EPB41L3: variants seen among roughly 807,000 people sequenced by gnomAD.
EPB41L3 encodes erythrocyte membrane protein band 4.1 like 3, also known as band 4.1-like protein 3.
Under a neutral mutation model 127.1 loss-of-function variants are expected in EPB41L3, and 57 were observed. The observed-to-expected ratio is 0.45, with a 90% CI of 0.36 to 0.56. EPB41L3 has a LOEUF of 0.56. Among genes scored for constraint, EPB41L3 ranks in the 20% least tolerant of loss-of-function variants. The pLI is 0.00. For missense variants in EPB41L3, 1,273 were observed against 1,372.2 expected, an observed-to-expected ratio of 0.93 and a Z score of 1.14; for synonymous variants, 572 against 549.5, an observed-to-expected ratio of 1.04 and a Z score of -0.57.
At chr18:5,428,589 C>T (rs759940466) in intron 8 of EPB41L3, 124 bp from the exon 9 acceptor site, 1 of 1,105,864 alleles carries the variant, frequency 9.0e-7, no homozygotes, top group African/African-American at 1.6e-5. Context: ...CAAAATGATG[C>T]AGCCATTTTT....
chr18:5,546,639 G>A (rs774345388), upstream of EPB41L3, among the ~76,000 whole-genome samples: 1 of 152,136 alleles, frequency 6.6e-6, no homozygotes, highest in East Asian at 1.9e-4. Context: ...AGGAAATCTT[G>A]GAAGCAATTA....
At chr18:5,541,005 A>G (rs2093704966) in intron 1 of EPB41L3, among the ~76,000 whole-genome samples, 1 of 149,046 alleles carries the variant, frequency 6.7e-6, no homozygotes. Flanking sequence ...GAATGGCGTG[A>G]ACCCGGGAGG....
At chr18:5,584,447 A>G (rs185737977) in intron 3 of EPB41L3, among the ~76,000 whole-genome samples, 15 of 152,230 alleles carry the variant, frequency 9.9e-5, no homozygotes, top group African/African-American at 3.6e-4. Flanking sequence ...AGTAAGCTTT[A>G]ACATAAATAG....
At chr18:5,626,368 T>C (rs1182665327) in intron 1 of EPB41L3, among the ~76,000 whole-genome samples, 1 of 152,214 alleles carries the variant, frequency 6.6e-6, no homozygotes, top group Non-Finnish European at 1.5e-5. Context: ...AGTATTACAT[T>C]CCAGTTTTCT....
chr18:5,427,826 A>G (rs2078418871), intron 9 of EPB41L3, among the ~76,000 whole-genome samples: 1 of 152,046 alleles, frequency 6.6e-6, no homozygotes, highest in Admixed American at 6.6e-5. Flanking sequence ...GCTCACTGCA[A>G]GCTCCGCCCC....
intron 16 of EPB41L3, chr18:5,399,846 A>G (rs192649067): frequency 3.3e-5 from 5 of 152,756 alleles, no homozygotes; most frequent in Admixed American, 2.6e-4. Flanking sequence ...AATATTTTCC[A>G]TATTTGTAAA....
intron 1 of EPB41L3, among the ~76,000 whole-genome samples, chr18:5,622,932 T>C (rs1263566913): frequency 1.3e-5 from 2 of 151,678 alleles, no homozygotes; most frequent in Non-Finnish European, 2.9e-5. Flanking sequence ...GACAGAGAGA[T>C]TTGTATGGCA....
At chr18:5,442,492 G>C (rs955770036) in intron 5 of EPB41L3, among the ~76,000 whole-genome samples, 2 of 152,138 alleles carry the variant, frequency 1.3e-5, no homozygotes, top group Non-Finnish European at 2.9e-5. Context: ...CTGCTCACTA[G>C]TGATTATGTT....
In EPB41L3 at chr18:5,625,280, C is replaced by A. The variant is rs147600022; in HGVS notation, c.-468+3642G>T. On this transcript the variant is annotated intron_variant, in intron 1 of 21. Transcript: ENST00000545076. Reference sequence around the variant, plus strand: ...GAGCTGGGATAATTACCATAACAATCCAAGCAGGAGGTAGCAAGAGCCAGA... The same window carrying A: ...GAGCTGGGATAATTACCATAACAATACAAGCAGGAGGTAGCAAGAGCCAGA... Among the ~76,000 whole-genome samples, 3 of 151,934 alleles carry A rather than the reference C, an allele frequency of 2.0e-5. No individual in the cohort carries two copies. The East Asian group carries it at 5.8e-4, about 30-fold the overall frequency.
In EPB41L3 at chr18:5,566,411, G is replaced by A. The variant is rs529186377; in HGVS notation, c.-306+45929C>T. Among the ~76,000 whole-genome samples the A allele has an allele frequency of 1.5e-3, 231 of 152,246 alleles. 1 individual carries two copies. Among genetic ancestry groups the A allele is most frequent in the African/African-American group, 5.1e-3 (210 of 41,530 alleles). ...TAGGAATCCAACTTACAAGGGACGC[G>A]AAGGACCTCTTCAAGGAGAACTACA... is the stretch of plus-strand genomic sequence containing the variant. On this transcript the variant is annotated intron_variant, in intron 3 of 21. Coordinates refer to the EPB41L3 transcript ENST00000545076.
intron 1 of EPB41L3, among the ~76,000 whole-genome samples, chr18:5,535,363 A>G (rs2093540625): frequency 6.6e-6 from 1 of 152,226 alleles, no homozygotes. Context: ...TCAAGAATTC[A>G]GAGGAAAAGT....
At chr18:5,585,668 A>C (rs1717224792) in intron 3 of EPB41L3, among the ~76,000 whole-genome samples, 1 of 152,228 alleles carries the variant, frequency 6.6e-6, no homozygotes, top group Non-Finnish European at 1.5e-5. Context: ...TTAGGTCCCC[A>C]GATCTATCTC....
At chr18:5,571,797 G>T (rs1418866621) in intron 3 of EPB41L3, among the ~76,000 whole-genome samples, 2 of 151,406 alleles carry the variant, frequency 1.3e-5, no homozygotes, top group African/African-American at 4.9e-5. Context: ...TCCCAAATAT[G>T]TTGGCAACAC....
chr18:5,574,322 T>C (rs1409371365), intron 3 of EPB41L3, among the ~76,000 whole-genome samples: 1 of 151,444 alleles, frequency 6.6e-6, no homozygotes, highest in East Asian at 1.9e-4. Flanking sequence ...TCCTCCAACC[T>C]CAGCCTCTAG....
intron 3 of EPB41L3, among the ~76,000 whole-genome samples, chr18:5,448,051 T>G (rs1178298293): frequency 6.6e-6 from 1 of 152,210 alleles, no homozygotes; most frequent in African/African-American, 2.4e-5. Flanking sequence ...ACCAGCCAGC[T>G]GGATGACTAT....
chr18:5,532,482 G>GT (rs2093442424), intron 1 of EPB41L3, among the ~76,000 whole-genome samples: 1 of 152,334 alleles, frequency 6.6e-6, no homozygotes, highest in Admixed American at 6.5e-5. Flanking sequence ...CTTTCAGTGT[G>GT]TATCTCAGTA....
chr18:5,577,139 CAA>C (rs1197429776), intron 3 of EPB41L3, among the ~76,000 whole-genome samples: 2 of 152,190 alleles, frequency 1.3e-5, no homozygotes, highest in Non-Finnish European at 2.9e-5. Flanking sequence ...AACTAGAGAA[CAA>C]TTAGCGTAGC....
intron 1 of EPB41L3, among the ~76,000 whole-genome samples, chr18:5,538,775 G>A (rs896079890): frequency 7.9e-5 from 12 of 152,138 alleles, no homozygotes; most frequent in African/African-American, 2.7e-4. Flanking sequence ...ACTCCCTGCA[G>A]TTCTTCCCTC....
chr18:5,432,784 T>C (rs538688859), intron 8 of EPB41L3, among the ~76,000 whole-genome samples: 2 of 152,316 alleles, frequency 1.3e-5, no homozygotes, highest in East Asian at 3.9e-4. Flanking sequence ...AGATACACCT[T>C]TAACATTTCA....
Sources: gnomAD v4.1 joint callset for allele counts (sites outside exome capture counted in the v4.1 genomes callset) on GRCh38, gnomAD v4.1.1 for gene constraint, MANE v1.5 for transcripts, NCBI Gene and HGNC (gene_info 2026-07-23, HGNC 2026-07-21) for gene names.